Variants in DENND4C observed in about 807,000 individuals in gnomAD.
The protein encoded by DENND4C is DENN domain containing 4C.
Under a neutral mutation model 203.0 loss-of-function variants are expected in DENND4C, and 108 were observed. The ratio of observed to expected loss-of-function variants is 0.53; its 90% CI spans 0.46 to 0.62. The LOEUF (loss-of-function observed/expected upper bound fraction) is 0.62, where lower values mean the gene tolerates loss of function less well. Ranked by LOEUF, DENND4C falls within the 20% of genes least tolerant of loss-of-function variation. DENND4C has a pLI of 0.00. For synonymous variants in DENND4C, 871 were observed against 792.4 expected (o/e 1.10, Z -1.67); for missense variants, 2,481 against 2,301.2 (o/e 1.08, Z -1.60).
intron 1 of DENND4C, among the ~76,000 whole-genome samples, chr9:19,231,813 C>G (rs10811141): frequency 6.6e-6 from 1 of 151,366 alleles, no homozygotes; most frequent in African/African-American, 2.4e-5. Context: ...AATTGACCCA[C>G]TGAGCCTGCT....
intron 30 of DENND4C, among the ~76,000 whole-genome samples, chr9:19,368,044 T>TG (rs1828042226): frequency 6.6e-6 from 1 of 152,210 alleles, no homozygotes; most frequent in African/African-American, 2.4e-5. Context: ...ATAGTGATGA[T>TG]GGTTGCACAA....
At chr9:19,314,889 C>T (rs1841483560) in intron 10 of DENND4C, among the ~76,000 whole-genome samples, 1 of 152,042 alleles carries the variant, frequency 6.6e-6, no homozygotes, top group African/African-American at 2.4e-5. Context: ...AGGCTGAGTG[C>T]AGTGGCTCAT....
chr9:19,342,166 G>A lies in DENND4C; in HGVS notation c.3005-467G>A, dbSNP rs1588955131. On this transcript the variant is annotated intron_variant, in intron 21 of 32. Coordinates refer to ENST00000434457, the MANE Select transcript of DENND4C (RefSeq NM_001330640.2). Reference sequence around the variant, plus strand: ...AAAAAAAGTCTATGTGGTTTTTCCCGGTTTTTATAGGACTCATTAAGGCAG... The same window carrying A: ...AAAAAAAGTCTATGTGGTTTTTCCCAGTTTTTATAGGACTCATTAAGGCAG... Among the ~76,000 whole-genome samples, 8 of 149,536 alleles carry A rather than the reference G, an allele frequency of 5.3e-5. 1 individual carries two copies. Among genetic ancestry groups the A allele is most frequent in the Admixed American group, 6.6e-5 (1 of 15,058 alleles).
Position 19,373,977 on chromosome 9 carries a change from C to T in DENND4C, c.*1804C>T, listed in dbSNP as rs994784760. 1.3e-5 allele frequency among the ~76,000 whole-genome samples: 2 copies of T among 152,044 alleles called. No individual in the cohort carries two copies. Among genetic ancestry groups the T allele is most frequent in the Non-Finnish European group, 2.9e-5 (2 of 67,990 alleles). ...AGAAATTATGTACAATTTTCATTAC[C>T]TTCAAAATGGATCTTTTGCACTGTC... is the stretch of plus-strand genomic sequence containing the variant. On this transcript the variant is annotated 3_prime_UTR_variant, in exon 33 of 33. Transcript: ENST00000434457.
Position 19,357,166 on chromosome 9 carries a change from T to C in DENND4C, c.4964+12T>C, listed in dbSNP as rs1337592661. The C allele has an allele frequency of 6.2e-7, 1 of 1,613,312 alleles. No individual in the cohort carries two copies. Among genetic ancestry groups the C allele is most frequent in the Non-Finnish European group, 8.5e-7 (1 of 1,179,546 alleles). ...GCAGTTGAACCAAGGTATCAAAGGG[T>C]ACAGAGACCTCTTTATGTAGTAATA... On this transcript the variant is annotated intron_variant, in intron 27 of 32. Transcript: ENST00000434457.
Position 19,269,477 on chromosome 9 carries a change from A to G in DENND4C, c.-17-6681A>G, listed in dbSNP as rs915493123. The stretch of plus-strand genomic sequence containing the variant: ...TCCGGCCCCTTGACTGTGTTTTCAA[A>G]TAGTGTGTCTTCAAGCTCATGATTT... On this transcript the variant is annotated intron_variant, in intron 1 of 32. Coordinates refer to ENST00000434457, the MANE Select transcript of DENND4C (RefSeq NM_001330640.2). Among the ~76,000 whole-genome samples, 22 of 152,278 alleles carry G rather than the reference A, an allele frequency of 1.4e-4. 2 individuals are homozygous for G. The highest frequency in any genetic ancestry group is 4.6e-4 in the Admixed American group (7 of 15,294).
chr9:19,370,778 A>C (rs1355551270), intron 31 of DENND4C, among the ~76,000 whole-genome samples: 1 of 152,176 alleles, frequency 6.6e-6, no homozygotes, highest in Admixed American at 6.5e-5. Flanking sequence ...TCCCCTCCTC[A>C]ACATAAGTGA....
intron 1 of DENND4C, among the ~76,000 whole-genome samples, chr9:19,264,441 G>T (rs1362728058): frequency 6.6e-6 from 1 of 151,996 alleles, no homozygotes; most frequent in Non-Finnish European, 1.5e-5. Context: ...TAAATAGCTG[G>T]GATTACAGGT....
intron 3 of DENND4C, 111 bp from the exon 4 acceptor site, chr9:19,288,485 G>T: frequency 1.8e-6 from 1 of 567,940 alleles, no homozygotes; most frequent in East Asian, 3.5e-5. Flanking sequence ...TTATATAAAC[G>T]TTTTAAATAG....
In DENND4C at chr9:19,373,614, T is replaced by C. The variant is rs1399689492; in HGVS notation, c.*1441T>C. 6.6e-6 allele frequency: 1 copy of C among 152,648 alleles called. No individual in the cohort carries two copies. Among genetic ancestry groups the C allele is most frequent in the Non-Finnish European group, 1.5e-5 (1 of 68,030 alleles). 9.5% of individuals were successfully genotyped at this position (152,648 alleles called of 1,614,324 possible). A position where few individuals can be genotyped will look rare whatever the true frequency, so the allele number is the denominator to read the frequency against. Reference sequence around the variant, plus strand: ...ATTTATTAAGCTTGTTGCCAGTAGGTTTAAGAAAATCATGATCTCACATGC... The same window carrying C: ...ATTTATTAAGCTTGTTGCCAGTAGGCTTAAGAAAATCATGATCTCACATGC... On this transcript the variant is annotated 3_prime_UTR_variant, in exon 33 of 33. Transcript: ENST00000434457.
intron 10 of DENND4C, among the ~76,000 whole-genome samples, chr9:19,316,027 C>T (rs1331852040): frequency 6.6e-6 from 1 of 152,066 alleles, no homozygotes; most frequent in Non-Finnish European, 1.5e-5. Context: ...GCTTTTAATC[C>T]TTACTTAAAT....
intron 20 of DENND4C, chr9:19,337,671 A>G (rs899517527): frequency 1.2e-5 from 16 of 1,288,572 alleles, no homozygotes; most frequent in African/African-American, 1.5e-5. Context: ...TAACCACATC[A>G]GGTAATTTCC....
At chr9:19,293,645 C>G (rs191234209) in intron 5 of DENND4C, among the ~76,000 whole-genome samples, 24 of 152,242 alleles carry the variant, frequency 1.6e-4, no homozygotes, top group Middle Eastern at 3.4e-3. Flanking sequence ...ATGGGCAGAT[C>G]AGAGGAAGTA....
chr9:19,271,606 C>G (rs58067241), intron 1 of DENND4C, among the ~76,000 whole-genome samples: 5 of 152,132 alleles, frequency 3.3e-5, no homozygotes, highest in African/African-American at 1.2e-4. Context: ...TGGCTCACGC[C>G]TGTAATCCCA....
At position 19,346,685 on chromosome 9, in the gene DENND4C, A is replaced by G. The variant is rs774324133; in HGVS notation, c.3916A>G (p.Arg1306Gly). Residue 1306 changes from arginine (R) to glycine (G), a missense_variant, in exon 23 of 33, where the codon AGA becomes GGA. Coordinates refer to ENST00000434457, the MANE Select transcript of DENND4C (RefSeq NM_001330640.2). ...GSKSSSMELHREENRESGMTT... is the reference protein window; with the variant it reads ...GSKSSSMELHGEENRESGMTT... ...TAAATCTTCTAGTATGGAATTACAC[A>G]GAGAGGAAAACAGAGAGTCTGGCAT... 4.8e-5 allele frequency: 78 copies of G among 1,614,082 alleles called. No homozygotes were observed. The highest frequency in any genetic ancestry group is 6.4e-5 in the Non-Finnish European group (75 of 1,180,044).
At chr9:19,248,234 A>C (rs73423075) in intron 1 of DENND4C, among the ~76,000 whole-genome samples, 9,267 of 152,230 alleles carry the variant, frequency 0.061, 557 homozygotes, top group African/African-American at 0.15. Context: ...CTCTAAGCTC[A>C]AGAGCCACTG....
intron 20 of DENND4C, 131 bp downstream of exon 20, chr9:19,336,963 AACAAT>A (rs1365854347): frequency 4.5e-6 from 4 of 879,352 alleles, no homozygotes; most frequent in Non-Finnish European, 6.8e-6. Flanking sequence ...TTACAAGAGA[AACAAT>A]ACGAGTCTGC....
chr9:19,340,702 C>G (rs531321844), intron 20 of DENND4C, among the ~76,000 whole-genome samples: 1 of 152,306 alleles, frequency 6.6e-6, no homozygotes, highest in African/African-American at 2.4e-5. Context: ...ATTCTGTAGA[C>G]ACGGTCTCCA....
At chr9:19,321,852 A>G (rs2772400) in intron 12 of DENND4C, among the ~76,000 whole-genome samples, 113,813 of 146,568 alleles carry the variant, frequency 0.78, 45,875 homozygotes, top group East Asian at 0.99. Context: ...AAAAAAAAAG[A>G]GAAATAGCTA....
Sources: allele counts gnomAD v4.1 joint callset (sites outside exome capture counted in the v4.1 genomes callset), GRCh38; gene constraint gnomAD v4.1.1; transcripts MANE v1.5; gene names NCBI Gene and HGNC (gene_info 2026-07-23, HGNC 2026-07-21).